ATAD2B: variants seen among roughly 807,000 people sequenced by gnomAD.
The protein encoded by ATAD2B is ATPase family AAA domain containing 2B.
ATAD2B carries 40 observed loss-of-function variants against 167.6 expected under a neutral mutation model. The observed-to-expected ratio is 0.24, with a 90% confidence interval of 0.19 to 0.31. ATAD2B has a LOEUF of 0.31. Among genes scored for constraint, ATAD2B ranks in the 10% least tolerant of loss-of-function variants. ATAD2B has a pLI of 1.00. For synonymous variants in ATAD2B, 579 were observed against 596.5 expected, an observed-to-expected ratio of 0.97 and a Z score of 0.43; for missense variants, 1,242 against 1,757.2, an observed-to-expected ratio of 0.71 and a Z score of 5.24.
chr2:23,879,939 T>A (rs1465881527), intron 7 of ATAD2B, among the ~76,000 whole-genome samples: 1 of 151,576 alleles, frequency 6.6e-6, no homozygotes, highest in Non-Finnish European at 1.5e-5. Context: ...GCACCTGTAA[T>A]CCCAGCTACT....
At chr2:23,805,846 G>A (rs1176747595) in intron 18 of ATAD2B, among the ~76,000 whole-genome samples, 3 of 137,244 alleles carry the variant, frequency 2.2e-5, no homozygotes, top group Non-Finnish European at 4.7e-5. Flanking sequence ...GTGAAGCTTA[G>A]AATCTTTTCA....
chr2:23,773,164 G>A (rs890499604), intron 22 of ATAD2B, among the ~76,000 whole-genome samples: 15 of 152,196 alleles, frequency 9.9e-5, no homozygotes, highest in African/African-American at 3.6e-4. Context: ...TAGAAGGGAT[G>A]TCTATGATAA....
Position 23,789,349 on chromosome 2 carries a change from CTG to C in ATAD2B, c.2641-704_2641-703del, listed in dbSNP as rs1386052470. 1.3e-5 allele frequency among the ~76,000 whole-genome samples: 2 copies of C among 152,158 alleles called. 1 individual carries two copies. Among genetic ancestry groups the C allele is most frequent in the African/African-American group, 4.8e-5 (2 of 41,456 alleles). On this transcript the variant is annotated intron_variant, in intron 19 of 27. Coordinates refer to ENST00000238789, the MANE Select transcript of ATAD2B (RefSeq NM_017552.4). ...AATTTGTCTACTATGGCATTAAACACTGTATTTAATTTTTATGGTTTTTCTAG... is the reference window on the plus strand; with the variant it reads ...AATTTGTCTACTATGGCATTAAACACTATTTAATTTTTATGGTTTTTCTAG...
Position 23,754,778 on chromosome 2 carries a change from T to C in ATAD2B, c.4079-4A>G, listed in dbSNP as rs1349635401. 3 of 1,607,722 alleles carry C rather than the reference T, an allele frequency of 1.9e-6. No individual in the cohort carries two copies. The highest frequency in any genetic ancestry group is 2.7e-5 in the African/African-American group (2 of 74,456). On this transcript the variant is annotated splice_polypyrimidine_tract_variant and splice_region_variant and intron_variant, in intron 25 of 27. Coordinates refer to ENST00000238789, the MANE Select transcript of ATAD2B (RefSeq NM_017552.4). Reference sequence around the variant, plus strand: ...TATTTCTTTACTTTAGAAGCACCTATAATTGAGACAAAAAAATACACTGCA... The same window carrying C: ...TATTTCTTTACTTTAGAAGCACCTACAATTGAGACAAAAAAATACACTGCA...
intron 8 of ATAD2B, among the ~76,000 whole-genome samples, chr2:23,871,854 G>C (rs1245277310): frequency 6.6e-6 from 1 of 152,046 alleles, no homozygotes; most frequent in Non-Finnish European, 1.5e-5. Flanking sequence ...ATTTTTGTGA[G>C]GGAAGAAGGA....
chr2:23,810,302 T>A lies in ATAD2B; in HGVS notation c.2454+14A>T. 2 of 1,605,140 alleles carry A rather than the reference T, an allele frequency of 1.2e-6. No homozygotes were observed. The highest frequency in any genetic ancestry group is 1.7e-6 in the Non-Finnish European group (2 of 1,173,056). ...TAAGAAAGTTGGAAGTGCTCTGATG[T>A]GGTACAAACCTACCTGTGCACATGA... On this transcript the variant is annotated intron_variant, in intron 18 of 27. Coordinates refer to ENST00000238789, the MANE Select transcript of ATAD2B (RefSeq NM_017552.4).
intron 1 of ATAD2B, among the ~76,000 whole-genome samples, chr2:23,907,783 A>C (rs1701705127): frequency 6.6e-6 from 1 of 152,206 alleles, no homozygotes; most frequent in Non-Finnish European, 1.5e-5. Flanking sequence ...ACTGGTACCA[A>C]AACAGAGATA....
chr2:23,807,932 AATAT>A (rs1006314182), intron 18 of ATAD2B, among the ~76,000 whole-genome samples: 28 of 129,074 alleles, frequency 2.2e-4, no homozygotes, highest in Non-Finnish European at 4.1e-4. Flanking sequence ...ATATATTTAT[AATAT>A]ATATAAATAT....
chr2:23,867,971 A>T, intron 9 of ATAD2B, 25 bp from the exon 10 acceptor site: 4 of 1,465,386 alleles, frequency 2.7e-6, no homozygotes, highest in Non-Finnish European at 2.8e-6. Context: ...AGTGCAAGTA[A>T]AGTTGCATTA....
the ATAD2B span, among the ~76,000 whole-genome samples, chr2:23,681,154 C>T: frequency 1.3e-5 from 2 of 152,232 alleles, no homozygotes; most frequent in East Asian, 1.9e-4. The surrounding 1 kb of genome is among the most constrained non-coding windows in gnomAD (Gnocchi z 4.2). Context: ...GCCGGCCGGG[C>T]AGGCAGTGGG....
At chr2:23,810,734 G>A (rs867463121) in intron 17 of ATAD2B, among the ~76,000 whole-genome samples, 3 of 152,318 alleles carry the variant, frequency 2.0e-5, no homozygotes, top group African/African-American at 7.2e-5. Flanking sequence ...TTAAGGGCCA[G>A]GCGCAGTGGC....
intron 22 of ATAD2B, among the ~76,000 whole-genome samples, chr2:23,772,109 T>C (rs1349966495): frequency 6.6e-6 from 1 of 151,766 alleles, no homozygotes. Flanking sequence ...CCAAACAGTT[T>C]TTCTTTAAAT....
In ATAD2B at chr2:23,803,121, AGTTTT is replaced by A. The variant is rs372686422; in HGVS notation, c.2455-4803_2455-4799del. Among the ~76,000 whole-genome samples, 187 of 152,306 alleles carry A rather than the reference AGTTTT, an allele frequency of 1.2e-3. 1 individual carries two copies. The highest frequency in any genetic ancestry group is 4.2e-3 in the African/African-American group (176 of 41,584). ...GAGGATGTCAGAAAAAGAGAATCAT[AGTTTT>A]GTTTTGTTTTTTAAGAGTGTTAATA... On this transcript the variant is annotated intron_variant, in intron 18 of 27. Transcript: ENST00000238789.
chr2:23,699,474 C>T, the ATAD2B span, among the ~76,000 whole-genome samples: 3 of 152,190 alleles, frequency 2.0e-5, no homozygotes, highest in African/African-American at 7.2e-5. Flanking sequence ...CACTGAGGAC[C>T]GATATTCCAG....
the ATAD2B span, among the ~76,000 whole-genome samples, chr2:23,729,556 C>T: frequency 3.9e-5 from 6 of 152,046 alleles, no homozygotes; most frequent in Non-Finnish European, 8.8e-5. Flanking sequence ...ATCAGAATAT[C>T]CATTCTGTTT....
Position 23,885,719 on chromosome 2 carries a change from A to T in ATAD2B, c.675+8T>A. The T allele has an allele frequency of 6.6e-7, 1 of 1,505,184 alleles. No individual in the cohort carries two copies. The highest frequency in any genetic ancestry group is 9.1e-7 in the Non-Finnish European group (1 of 1,096,478). 93.2% of individuals were successfully genotyped at this position (1,505,184 alleles called of 1,614,324 possible). A position where few individuals can be genotyped will look rare whatever the true frequency, so the allele number is the denominator to read the frequency against. On this transcript the variant is annotated splice_region_variant and intron_variant, in intron 5 of 27. Coordinates refer to ENST00000238789, the MANE Select transcript of ATAD2B (RefSeq NM_017552.4). The stretch of plus-strand genomic sequence containing the variant: ...ATTTACAAAGATTGCTACAGCTAAT[A>T]TACTCACAAATTCTGTATCTGTCCA...
intron 1 of ATAD2B, among the ~76,000 whole-genome samples, chr2:23,911,374 T>TA (rs1702277542): frequency 6.6e-6 from 1 of 151,326 alleles, no homozygotes; most frequent in African/African-American, 2.4e-5. Context: ...GGCATCTGGG[T>TA]GAAACCCCAT....
chr2:23,850,354 G>A (rs541418727), intron 13 of ATAD2B, among the ~76,000 whole-genome samples: 2 of 152,250 alleles, frequency 1.3e-5, no homozygotes, highest in African/African-American at 4.8e-5. Flanking sequence ...GTGAATACAT[G>A]TCAAAAACTG....
At chr2:23,883,529 T>C in intron 6 of ATAD2B, 1 of 955,764 alleles carries the variant, frequency 1.0e-6, no homozygotes, top group South Asian at 1.5e-5. Flanking sequence ...CATATCTACT[T>C]TGGAAACTCT....
Sources: allele counts gnomAD v4.1 joint callset (sites outside exome capture counted in the v4.1 genomes callset), GRCh38; gene constraint gnomAD v4.1.1; non-coding constraint Gnocchi (gnomAD v3.1); transcripts MANE v1.5; gene names NCBI Gene and HGNC (gene_info 2026-07-23, HGNC 2026-07-21).